PACSIN2: variants seen among roughly 807,000 people sequenced by gnomAD.
PACSIN2 encodes the protein protein kinase C and casein kinase substrate in neurons 2.
A neutral mutation model predicts 63.8 loss-of-function variants in PACSIN2; 25 were observed. The ratio of observed to expected loss-of-function variants is 0.39; its 90% confidence interval spans 0.29 to 0.55. The LOEUF is 0.55. Ranked by LOEUF, PACSIN2 falls within the 20% of genes least tolerant of loss-of-function variation. The pLI is 0.62. For missense variants in PACSIN2, 518 were observed against 646.9 expected (o/e 0.80, Z 2.16); for synonymous variants, 255 against 256.2 (o/e 1.00, Z 0.05).
chr22:42,983,316 C>CAA (rs1180708676), intron 1 of PACSIN2, among the ~76,000 whole-genome samples: 139 of 63,628 alleles, frequency 2.2e-3, no homozygotes, highest in African/African-American at 6.1e-3. Context: ...GACTCCATCT[C>CAA]AAAAAAAAAA....
chr22:42,972,991 G>A (rs1921435849), intron 1 of PACSIN2, among the ~76,000 whole-genome samples: 4 of 152,206 alleles, frequency 2.6e-5, no homozygotes, highest in Admixed American at 2.0e-4. Context: ...TGTGAGGATT[G>A]TTCATTGTGA....
At chr22:42,965,302 CA>C (rs1920943719) in intron 1 of PACSIN2, among the ~76,000 whole-genome samples, 1 of 152,158 alleles carries the variant, frequency 6.6e-6, no homozygotes, top group Non-Finnish European at 1.5e-5. Context: ...CAAAGGGACA[CA>C]AGGAAATTTT....
rs1924799630 is a variant in PACSIN2 at position 43,015,066 on chromosome 22, A to T, written c.-123T>A. 1 of 152,446 alleles carries T rather than the reference A, an allele frequency of 6.6e-6. No individual in the cohort carries two copies. 9.4% of individuals were successfully genotyped at this position (152,446 alleles called of 1,614,324 possible). The stretch of plus-strand genomic sequence containing the variant: ...CCGTTCAGGCTGCCACGGCGTCTCC[A>T]GACCCAGCTCCGGCCGGGCTCCCGC... On this transcript the variant is annotated 5_prime_UTR_variant, in exon 1 of 11. Coordinates refer to ENST00000263246, the MANE Select transcript of PACSIN2 (RefSeq NM_001184970.3).
intron 1 of PACSIN2, among the ~76,000 whole-genome samples, chr22:42,998,696 G>A (rs931539085): frequency 9.9e-5 from 15 of 152,142 alleles, no homozygotes; most frequent in African/African-American, 3.6e-4. Flanking sequence ...TCCCTGGTGA[G>A]AGCCCCACCC....
intron 1 of PACSIN2, among the ~76,000 whole-genome samples, chr22:42,979,009 A>C (rs1473162835): frequency 6.6e-6 from 1 of 152,190 alleles, no homozygotes; most frequent in African/African-American, 2.4e-5. Context: ...TGACCAGTAT[A>C]ATGAACTGTG....
intron 2 of PACSIN2, among the ~76,000 whole-genome samples, chr22:42,903,862 C>T (rs1378704437): frequency 6.6e-6 from 1 of 152,160 alleles, no homozygotes. Flanking sequence ...GCTCCCAACA[C>T]TGACTGGCCG....
intron 1 of PACSIN2, among the ~76,000 whole-genome samples, chr22:42,980,381 C>T (rs1015278555): frequency 3.9e-5 from 6 of 152,102 alleles, no homozygotes; most frequent in Middle Eastern, 3.4e-3. Context: ...TTGTCATGGT[C>T]ATTAGGAGGT....
intron 2 of PACSIN2, among the ~76,000 whole-genome samples, chr22:42,897,039 T>G (rs1233513278): frequency 1.3e-5 from 2 of 152,108 alleles, no homozygotes; most frequent in Non-Finnish European, 2.9e-5. Flanking sequence ...CAGGCTCAAG[T>G]GATCCTCCCA....
intron 1 of PACSIN2, among the ~76,000 whole-genome samples, chr22:43,014,135 C>T (rs1329300873): frequency 6.6e-6 from 1 of 152,126 alleles, no homozygotes; most frequent in Non-Finnish European, 1.5e-5. Context: ...CACTACCTCT[C>T]CAATTGCGGA....
At chr22:42,874,205 G>A (rs1392838473) in intron 10 of PACSIN2, among the ~76,000 whole-genome samples, 2 of 151,908 alleles carry the variant, frequency 1.3e-5, no homozygotes, top group South Asian at 2.1e-4. Flanking sequence ...TCCCAGCTAC[G>A]TAGGAGGCTG....
At position 42,913,894 on chromosome 22, in the gene PACSIN2, A is replaced by G. The variant is rs551294172; in HGVS notation, c.-77-1737T>C. ...AGTTAAGTAAATCAGGCTTCCTACA[A>G]CCTAAAATTGGATTGCTAATTAAAA... On this transcript the variant is annotated intron_variant, in intron 1 of 10. Transcript: ENST00000263246. Among the ~76,000 whole-genome samples, 32 of 152,276 alleles carry G rather than the reference A, an allele frequency of 2.1e-4. No homozygotes were observed. In the South Asian group the frequency reaches 6.6e-3, roughly 32 times the overall value.
intron 6 of PACSIN2, among the ~76,000 whole-genome samples, chr22:42,883,873 G>A (rs536340358): frequency 1.2e-4 from 19 of 152,226 alleles, no homozygotes; most frequent in Admixed American, 5.9e-4. Context: ...GTGTGGTGGC[G>A]CATGCCTGTA....
chr22:42,874,788 T>C (rs1928460109), intron 10 of PACSIN2, among the ~76,000 whole-genome samples: 1 of 151,740 alleles, frequency 6.6e-6, no homozygotes, highest in East Asian at 1.9e-4. Flanking sequence ...CCCAGCAAGG[T>C]GAGGAGTCCA....
At chr22:42,962,779 G>GCGGGGCT (rs773138620) in intron 1 of PACSIN2, among the ~76,000 whole-genome samples, 1,227 of 62,270 alleles carry the variant, frequency 0.02, 47 homozygotes, top group Non-Finnish European at 0.044. Context: ...TGTGGGCGGG[G>GCGGGGCT]GGGGGGGGCG....
At chr22:42,918,731 C>CCCA (rs1931967912) in intron 1 of PACSIN2, among the ~76,000 whole-genome samples, 1 of 152,222 alleles carries the variant, frequency 6.6e-6, no homozygotes. Flanking sequence ...TCTCCAGAGT[C>CCCA]CCACCACCTG....
intron 1 of PACSIN2, among the ~76,000 whole-genome samples, chr22:42,960,913 T>C (rs1253194565): frequency 6.6e-6 from 1 of 152,216 alleles, no homozygotes; most frequent in Non-Finnish European, 1.5e-5. Context: ...AAAGAGTAGA[T>C]ATGGAAACCA....
At position 42,882,302 on chromosome 22, in the gene PACSIN2, T is replaced by A. The variant is rs575305363; in HGVS notation, c.788A>T (p.Tyr263Phe). The A allele has an allele frequency of 6.2e-7, 1 of 1,607,972 alleles. No homozygotes were observed. Among genetic ancestry groups the A allele is most frequent in the South Asian group, 1.1e-5 (1 of 90,674 alleles). ...KHLDLSNVAG[Y>F]KAIYHDLEQS... Reference sequence around the variant, plus strand: ...CTCCAGGTCATGGTAAATGGCTTTGTAGCTAAATCAGAGAGAAACGTGGCT... The same window carrying A: ...CTCCAGGTCATGGTAAATGGCTTTGAAGCTAAATCAGAGAGAAACGTGGCT... The change falls in exon 7 of 11, where the codon TAC becomes TTC. Residue 263 changes from tyrosine to phenylalanine, a missense_variant and splice_region_variant. Transcript: ENST00000263246.
At chr22:42,923,098 G>A (rs1016486649) in intron 1 of PACSIN2, among the ~76,000 whole-genome samples, 19 of 152,248 alleles carry the variant, frequency 1.2e-4, no homozygotes, top group African/African-American at 4.3e-4. Context: ...ACTTTAGAAA[G>A]GACTAATCTG....
chr22:42,958,462 T>C (rs1004546271), intron 1 of PACSIN2, among the ~76,000 whole-genome samples: 2 of 152,246 alleles, frequency 1.3e-5, no homozygotes, highest in Admixed American at 6.5e-5. Context: ...ATCTCATACC[T>C]GTAAAAATGC....
Sources: allele counts gnomAD v4.1 joint callset (sites outside exome capture counted in the v4.1 genomes callset), GRCh38; gene constraint gnomAD v4.1.1; transcripts MANE v1.5; gene names NCBI Gene and HGNC (gene_info 2026-07-23, HGNC 2026-07-21).